HMCN2: variants seen among roughly 807,000 people sequenced by gnomAD.
HMCN2 encodes hemicentin-2.
In HMCN2, 325 loss-of-function variants were observed where a neutral mutation model predicts 377.5. That is an observed-to-expected ratio of 0.86 (90% confidence interval 0.79 to 0.94). The LOEUF is 0.94. HMCN2 is among the 40% of genes least tolerant of loss of function. The pLI is 0.00. For missense variants in HMCN2, 4,543 were observed against 4,725.3 expected, an observed-to-expected ratio of 0.96 and a Z score of 1.13; for synonymous variants, 2,007 against 2,046.8, an observed-to-expected ratio of 0.98 and a Z score of 0.53.
intron 34 of HMCN2, among the ~76,000 whole-genome samples, chr9:130,356,602 C>T (rs993921583): frequency 2.0e-5 from 3 of 152,250 alleles, no homozygotes; most frequent in Non-Finnish European, 2.9e-5. Context: ...TCTCCCTCCT[C>T]TTTGCCTGCC....
rs1225397256 is a variant in HMCN2, at chr9:130,425,729, T to C, written c.13684T>C (p.Phe4562Leu). Residue 4562 changes from phenylalanine to leucine, a missense_variant, in exon 90 of 98, where the codon TTC becomes CTC. Physicochemically the swap from Phe to Leu is conservative, Grantham distance 22. Coordinates refer to ENST00000683500, the MANE Select transcript of HMCN2 (RefSeq NM_001291815.2). ...CGTGCAAACAGGGCCTGGCCAGCTG[T>C]TCGTGGGCTCCACACAGCGCTTCTT... ...HYVQTGPGQL[F>L]VGSTQRFFQG... 52 of 1,545,474 alleles carry C rather than the reference T, an allele frequency of 3.4e-5. No homozygotes were observed. The highest frequency in any genetic ancestry group is 4.5e-5 in the Non-Finnish European group (51 of 1,144,048).
chr9:130,424,973 C>T (rs563784064), intron 88 of HMCN2, 36 bp from the exon 89 acceptor site: 52 of 1,518,240 alleles, frequency 3.4e-5, no homozygotes, highest in Admixed American at 1.7e-4. Flanking sequence ...CAGGACCTCC[C>T]GTGGTGACTC....
Position 130,356,149 on chromosome 9 carries a change from A to T in HMCN2, c.5317A>T (p.Thr1773Ser), listed in dbSNP as rs760219254. The T allele has an allele frequency of 7.7e-7, 1 of 1,302,324 alleles. No individual in the cohort carries two copies. The highest frequency in any genetic ancestry group is 1.0e-6 in the Non-Finnish European group (1 of 988,738). The allele number at this position is 1,302,324 out of a possible 1,614,324, so 80.7% of individuals were successfully genotyped here. Residue 1773 changes from threonine (T) to serine (S), a missense_variant, in exon 34 of 98, where the codon ACC (threonine) becomes TCC (serine). Thr to Ser is a moderately conservative substitution (Grantham distance 58). Transcript: ENST00000683500. ...TGGGGTGCAGGTGGCCTCGCAGGGG[A>T]CCACACTGCACATTGACCATGTGGA... Reference protein sequence around the residue: ...LAGVQVASQGTTLHIDHVELD... With the variant: ...LAGVQVASQGSTLHIDHVELD...
intron 22 of HMCN2, among the ~76,000 whole-genome samples, chr9:130,337,099 T>C (rs2131460749): frequency 6.6e-6 from 1 of 152,112 alleles, no homozygotes; most frequent in Admixed American, 6.5e-5. Context: ...CTCCCTATTT[T>C]ATGGAGGCAG....
In HMCN2 at chr9:130,349,121, C is replaced by T. The variant is rs771997738; in HGVS notation, c.4293C>T (p.Leu1431=). 4 of 1,304,062 alleles carry T rather than the reference C, an allele frequency of 3.1e-6. No individual in the cohort carries two copies. The highest frequency in any genetic ancestry group is 4.0e-6 in the Non-Finnish European group (4 of 988,874). The allele number at this position is 1,304,062 out of a possible 1,614,324, so 80.8% of individuals were successfully genotyped here. A position where few individuals can be genotyped will look rare whatever the true frequency, so the allele number is the denominator to read the frequency against. Residue 1431 remains leucine, a synonymous_variant, in exon 28 of 98, where the codon CTC becomes CTT. Coordinates refer to ENST00000683500, the MANE Select transcript of HMCN2 (RefSeq NM_001291815.2). ...GCACCGCCCAGAGGGACTTCCATCTCCTTGTGCTCAGTGAGTGAGACCTGA... is the reference window on the plus strand; with the variant it reads ...GCACCGCCCAGAGGGACTTCCATCTTCTTGTGCTCAGTGAGTGAGACCTGA... ...QAGTAQRDFH[L]LVLTPPSVLG...
rs772590761 is a variant in HMCN2 at position 130,395,322 on chromosome 9, G to C, written c.10886G>C (p.Trp3629Ser). 28 of 1,289,140 alleles carry C rather than the reference G, an allele frequency of 2.2e-5. No homozygotes were observed. Among genetic ancestry groups the C allele is most frequent in the Non-Finnish European group, 5.1e-6 (5 of 988,656 alleles). 79.9% of individuals were successfully genotyped at this position (1,289,140 alleles called of 1,614,324 possible). A position where few individuals can be genotyped will look rare whatever the true frequency, so the allele number is the denominator to read the frequency against. The stretch of plus-strand genomic sequence containing the variant: ...GCAGAGCCAGCGCCCAAGATCACGT[G>C]GCACCGAGACGGCATTGTGCTGCAG... The part of the protein sequence containing the change: ...VEAEPAPKIT[W>S]HRDGIVLQED... The change falls in exon 71 of 98, where the codon TGG becomes TCG. Residue 3629 changes from tryptophan (W) to serine (S), a missense_variant. By Grantham distance (177) the Trp-to-Ser change is radical. Around this residue, in one of 5 missense-constraint regions of HMCN2, gnomAD observed 1,073 missense variants for 1,319.5 expected, o/e 0.81. Coordinates refer to ENST00000683500, the MANE Select transcript of HMCN2 (RefSeq NM_001291815.2).
chr9:130,299,557 A>T (rs997379862), intron 8 of HMCN2, among the ~76,000 whole-genome samples: 1 of 151,998 alleles, frequency 6.6e-6, no homozygotes, highest in Admixed American at 6.6e-5. Context: ...CCATTCATTC[A>T]TGCACTGACC....
chr9:130,350,029 C>A (rs1839617520), intron 29 of HMCN2, among the ~76,000 whole-genome samples: 1 of 149,530 alleles, frequency 6.7e-6, no homozygotes, highest in Admixed American at 6.8e-5. Context: ...ACTTCAGCCT[C>A]CTAAATAGCT....
rs1488318410 is a variant in HMCN2, at chr9:130,347,934, T to TA, written c.4024+575dup. The stretch of plus-strand genomic sequence containing the variant: ...GAGCCCACCTCCGGGTTAAAACTGT[T>TA]ACCCCTGGTCTCTTCTCACATTCTT... On this transcript the variant is annotated intron_variant, in intron 26 of 97. Coordinates refer to ENST00000683500, the MANE Select transcript of HMCN2 (RefSeq NM_001291815.2). The surrounding 1 kb of genome is among the most constrained non-coding windows in gnomAD (Gnocchi z 5.1). The TA allele has an allele frequency of 6.8e-5, 64 of 935,996 alleles. No homozygotes were observed. The highest frequency in any genetic ancestry group is 8.0e-5 in the Non-Finnish European group (63 of 785,306). The allele number at this position is 935,996 out of a possible 1,614,324, so 58.0% of individuals were successfully genotyped here.
intron 62 of HMCN2, among the ~76,000 whole-genome samples, chr9:130,389,661 G>A (rs997442521): frequency 2.4e-4 from 36 of 151,320 alleles, no homozygotes; most frequent in African/African-American, 7.8e-4. Flanking sequence ...TGCAACCTCT[G>A]CCTCCTGGGT....
chr9:130,319,204 G>T (rs1224182951), intron 15 of HMCN2, among the ~76,000 whole-genome samples: 1 of 152,128 alleles, frequency 6.6e-6, no homozygotes, highest in Non-Finnish European at 1.5e-5. Flanking sequence ...TTCCTGGGAG[G>T]TGTCACAGCC....
intron 80 of HMCN2, 120 bp downstream of exon 80, chr9:130,403,995 G>A: frequency 2.1e-6 from 2 of 970,110 alleles, no homozygotes; most frequent in Admixed American, 3.8e-5. Context: ...AGGAATTAAG[G>A]GGAAAACATC....
intron 1 of HMCN2, among the ~76,000 whole-genome samples, chr9:130,282,545 G>A (rs1187256368): frequency 6.6e-6 from 1 of 152,210 alleles, no homozygotes; most frequent in Non-Finnish European, 1.5e-5. Context: ...GGATGGCCAG[G>A]GCAGGCGAGG....
chr9:130,379,320 C>G lies in HMCN2; in HGVS notation c.8284C>G (p.Arg2762Gly). ...GATCCTGTCCCGGGAGGAGGAGGCC[C>G]GGGGCGGAGTCACGGAATACAGGGA... ...FEILSREEEA[R>G]GGVTEYREIV... Residue 2762 changes from arginine to glycine, a missense_variant, in exon 54 of 98, where the codon CGG becomes GGG. This residue lies in a region of HMCN2 where 736 missense variants were observed against 773.2 expected (regional missense o/e 0.95). Transcript: ENST00000683500. 1.0e-6 allele frequency: 1 copy of G among 985,696 alleles called. No homozygotes were observed. The highest frequency in any genetic ancestry group is 4.7e-5 in the South Asian group (1 of 21,266). The allele number at this position is 985,696 out of a possible 1,614,324, so 61.1% of individuals were successfully genotyped here.
intron 30 of HMCN2, 76 bp from the exon 31 acceptor site, chr9:130,352,851 T>G: frequency 5.3e-5 from 61 of 1,154,670 alleles, no homozygotes; most frequent in Non-Finnish European, 6.6e-5. Context: ...CCCAAAGGCA[T>G]GAGTCTGCTG....
intron 25 of HMCN2, among the ~76,000 whole-genome samples, chr9:130,343,424 A>G (rs1291313810): frequency 1.3e-5 from 2 of 152,166 alleles, no homozygotes; most frequent in Non-Finnish European, 2.9e-5. Context: ...AGAGGCAGGT[A>G]GAAGCAGGGA....
chr9:130,298,076 T>C (rs574348144), intron 7 of HMCN2, among the ~76,000 whole-genome samples: 6 of 152,314 alleles, frequency 3.9e-5, no homozygotes, highest in Non-Finnish European at 8.8e-5. Flanking sequence ...TGCTTCAGCC[T>C]CCCGAGCAGC....
At chr9:130,374,471 C>CA in intron 48 of HMCN2, 31 bp from the exon 49 acceptor site, 1 of 983,620 alleles carries the variant, frequency 1.0e-6, no homozygotes, top group Non-Finnish European at 1.2e-6. Flanking sequence ...CAAAGCCTGC[C>CA]AAATTGTCTC....
chr9:130,394,482 G>A lies in HMCN2; in HGVS notation c.10599G>A (p.Gln3533=). ...ELLCDAQGTP[Q]PNITWHKDGQ... is the part of the protein sequence containing the mutation. The stretch of plus-strand genomic sequence containing the variant: ...TCTGTGATGCCCAGGGCACCCCCCA[G>A]CCCAACATCACCTGGCATAAGGACG... Residue 3533 remains glutamine (Q), a synonymous_variant, in exon 69 of 98, where the codon CAG becomes CAA. Coordinates refer to ENST00000683500, the MANE Select transcript of HMCN2 (RefSeq NM_001291815.2). The surrounding 1 kb of genome is among the most constrained non-coding windows in gnomAD (Gnocchi z 5.1). The A allele has an allele frequency of 7.8e-7, 1 of 1,289,834 alleles. No individual in the cohort carries two copies. Among genetic ancestry groups the A allele is most frequent in the Non-Finnish European group, 1.0e-6 (1 of 988,856 alleles). 79.9% of individuals were successfully genotyped at this position (1,289,834 alleles called of 1,614,324 possible). A position where few individuals can be genotyped will look rare whatever the true frequency, so the allele number is the denominator to read the frequency against.
Sources: allele counts gnomAD v4.1 joint callset (sites outside exome capture counted in the v4.1 genomes callset), GRCh38; gene constraint gnomAD v4.1.1; regional missense constraint gnomAD v4.1.1; non-coding constraint Gnocchi (gnomAD v3.1); transcripts MANE v1.5; gene names NCBI Gene and HGNC (gene_info 2026-07-23, HGNC 2026-07-21).